LTBP1: variants seen among roughly 807,000 people sequenced by gnomAD.
LTBP1 encodes latent-transforming growth factor beta-binding protein 1.
In LTBP1, 129 loss-of-function variants were observed where a neutral mutation model predicts 207.6. The ratio of observed to expected loss-of-function variants is 0.62; its 90% CI spans 0.54 to 0.72. LTBP1 has a LOEUF of 0.72. Among genes scored for constraint, LTBP1 ranks in the 30% least tolerant of loss-of-function variants. The probability of loss-of-function intolerance (pLI) is 0.00; values close to 1 mark genes in which losing one functional copy is unlikely to be tolerated. For synonymous variants in LTBP1, 963 were observed against 833.7 expected, an observed-to-expected ratio of 1.16 and a Z score of -2.67; for missense variants, 2,281 against 2,217.2, an observed-to-expected ratio of 1.03 and a Z score of -0.58.
At chr2:33,281,430 G>T (rs1183665916) in intron 19 of LTBP1, among the ~76,000 whole-genome samples, 1 of 152,180 alleles carries the variant, frequency 6.6e-6, no homozygotes, top group African/African-American at 2.4e-5. Flanking sequence ...CAGTGTAGCT[G>T]AAGGCCAGAG....
At chr2:33,337,601 C>T (rs1362897656) in intron 24 of LTBP1, among the ~76,000 whole-genome samples, 1 of 152,192 alleles carries the variant, frequency 6.6e-6, no homozygotes, top group African/African-American at 2.4e-5. Flanking sequence ...TAATACCACA[C>T]CTGATTTTTC....
intron 2 of LTBP1, among the ~76,000 whole-genome samples, chr2:33,006,173 T>G (rs1330302880): frequency 6.6e-6 from 1 of 152,140 alleles, no homozygotes; most frequent in Non-Finnish European, 1.5e-5. Context: ...CCTGCTCATC[T>G]TAGCCTCCCA....
At chr2:33,004,811 A>ATATATATATATATATATATC (rs1686574673) in intron 2 of LTBP1, among the ~76,000 whole-genome samples, 1 of 145,786 alleles carries the variant, frequency 6.9e-6, no homozygotes, top group Admixed American at 6.9e-5. Flanking sequence ...ATATATATAT[A>ATATATATATATATATATATC]TATAAACATA....
intron 3 of LTBP1, among the ~76,000 whole-genome samples, chr2:33,106,970 C>T (rs1004759591): frequency 6.6e-6 from 1 of 152,190 alleles, no homozygotes; most frequent in Non-Finnish European, 1.5e-5. Context: ...CTTTACTTGG[C>T]TTAAGTATTC....
chr2:33,323,403 G>A (rs1001225428), intron 24 of LTBP1, among the ~76,000 whole-genome samples: 8 of 152,150 alleles, frequency 5.3e-5, no homozygotes. Context: ...TTGGGAGGCC[G>A]AAACAGGCAG....
intron 2 of LTBP1, among the ~76,000 whole-genome samples, chr2:32,975,480 C>T (rs1163511463): frequency 1.3e-5 from 2 of 149,110 alleles, no homozygotes; most frequent in Admixed American, 6.7e-5. Context: ...ATATATTTTT[C>T]AAGGTGTTTA....
chr2:33,175,916 G>A (rs4574096), intron 5 of LTBP1, among the ~76,000 whole-genome samples: 29,249 of 83,610 alleles, frequency 0.35, 5,743 homozygotes, highest in Middle Eastern at 0.52. Context: ...CAGAAAACCA[G>A]ACACCGCATA....
intron 3 of LTBP1, among the ~76,000 whole-genome samples, chr2:33,054,128 G>A (rs2076874261): frequency 6.6e-6 from 1 of 152,220 alleles, no homozygotes; most frequent in African/African-American, 2.4e-5. Context: ...TGGTATTTGA[G>A]AGACCAGGGT....
chr2:33,365,626 C>CGTGTGTGTGTGT lies in LTBP1; in HGVS notation c.4711+136_4711+147dup, dbSNP rs144867482. ...CACTCCTGATATCTTACTTTCATCC[C>CGTGTGTGTGTGT]GTGTGTGTGTGTGTGTGTGTGTGTA... On this transcript the variant is annotated intron_variant, in intron 31 of 33. Transcript: ENST00000404816. 1.7e-3 allele frequency: 1,222 copies of CGTGTGTGTGTGT among 711,988 alleles called. 10 individuals carry two copies. Among genetic ancestry groups the CGTGTGTGTGTGT allele is most frequent in the African/African-American group, 0.017 (896 of 53,094 alleles). The allele number at this position is 711,988 out of a possible 1,614,324, so 44.1% of individuals were successfully genotyped here. A position where few individuals can be genotyped will look rare whatever the true frequency, so the allele number is the denominator to read the frequency against.
intron 3 of LTBP1, among the ~76,000 whole-genome samples, chr2:33,098,201 C>T (rs1054806486): frequency 7.9e-5 from 12 of 152,198 alleles, no homozygotes; most frequent in African/African-American, 4.8e-5. Context: ...AGTACTGGTG[C>T]GGGTGGGCAT....
In LTBP1 at chr2:32,951,201, A is replaced by G. The variant is rs541478477; in HGVS notation, c.565+2256A>G. Among the ~76,000 whole-genome samples the G allele has an allele frequency of 2.6e-5, 4 of 152,354 alleles. No homozygotes were observed. The East Asian group carries it at 7.7e-4, about 29-fold the overall frequency. On this transcript the variant is annotated intron_variant, in intron 2 of 33. Coordinates refer to ENST00000404816, the MANE Select transcript of LTBP1 (RefSeq NM_206943.4). Reference sequence around the variant, plus strand: ...TAGCCCTTGGACAGTACCAGCATCTAAGCAATGTGACATCACTTTCCTTTT... The same window carrying G: ...TAGCCCTTGGACAGTACCAGCATCTGAGCAATGTGACATCACTTTCCTTTT...
intron 3 of LTBP1, among the ~76,000 whole-genome samples, chr2:33,092,214 C>G (rs530144417): frequency 6.6e-6 from 1 of 152,302 alleles, no homozygotes; most frequent in South Asian, 2.1e-4. Context: ...CACACACACA[C>G]AGTTTGTCAC....
chr2:33,187,491 G>GT (rs1184250648), intron 6 of LTBP1, among the ~76,000 whole-genome samples: 1 of 151,848 alleles, frequency 6.6e-6, no homozygotes, highest in African/African-American at 2.4e-5. Flanking sequence ...CTTGGTTTTA[G>GT]TTGTAAACAA....
At chr2:33,173,360 G>A (rs2085666651) in intron 5 of LTBP1, among the ~76,000 whole-genome samples, 1 of 152,094 alleles carries the variant, frequency 6.6e-6, no homozygotes, top group Admixed American at 6.5e-5. Flanking sequence ...ACTACCATCA[G>A]AGAATACTAC....
intron 2 of LTBP1, among the ~76,000 whole-genome samples, chr2:32,953,727 A>G (rs189197773): frequency 0.01 from 1,598 of 152,286 alleles, 13 homozygotes; most frequent in Non-Finnish European, 0.017. Context: ...GCCCTTAGGA[A>G]GCCTGACTTG....
intron 24 of LTBP1, among the ~76,000 whole-genome samples, chr2:33,332,396 AAAGAG>A (rs1384359721): frequency 1.5e-5 from 2 of 135,796 alleles, no homozygotes; most frequent in Non-Finnish European, 3.2e-5. Context: ...AAAAAAAAAA[AAAGAG>A]AGAGAGAGAC....
intron 2 of LTBP1, among the ~76,000 whole-genome samples, chr2:32,995,541 G>T (rs1685127998): frequency 6.6e-6 from 1 of 152,202 alleles, no homozygotes; most frequent in South Asian, 2.1e-4. Context: ...CAAGACTTTG[G>T]GAGGCCGAGG....
At chr2:33,013,361 C>G (rs1194433611) in intron 2 of LTBP1, among the ~76,000 whole-genome samples, 1 of 151,842 alleles carries the variant, frequency 6.6e-6, no homozygotes, top group Non-Finnish European at 1.5e-5. Flanking sequence ...TTTCATTTCC[C>G]TCTGTCTAAA....
In LTBP1 at chr2:33,389,314, A is replaced by C; in HGVS notation, c.4834+8A>C. The C allele has an allele frequency of 6.2e-7, 1 of 1,613,988 alleles. No homozygotes were observed. The highest frequency in any genetic ancestry group is 8.5e-7 in the Non-Finnish European group (1 of 1,179,942). On this transcript the variant is annotated splice_region_variant and intron_variant, in intron 32 of 33. Transcript: ENST00000404816. ...CCTACTTCATCCAAGACCGTAAGCAAAATAACCTTGTTCCTTTGATACTAA... is the reference window on the plus strand; with the variant it reads ...CCTACTTCATCCAAGACCGTAAGCACAATAACCTTGTTCCTTTGATACTAA...
Sources: allele counts gnomAD v4.1 joint callset (sites outside exome capture counted in the v4.1 genomes callset), GRCh38; gene constraint gnomAD v4.1.1; transcripts MANE v1.5; gene names NCBI Gene and HGNC (gene_info 2026-07-23, HGNC 2026-07-21).